The following DIAPH2 variants were observed in gnomAD, a reference collection of about 807,000 sequenced individuals.
The protein encoded by DIAPH2 is protein diaphanous homolog 2.
Under a neutral mutation model 92.7 loss-of-function variants are expected in DIAPH2, and 35 were observed. The ratio of observed to expected loss-of-function variants is 0.38; its 90% CI spans 0.29 to 0.50. The LOEUF is 0.50. DIAPH2 is among the 20% of genes least tolerant of loss of function. DIAPH2 has a pLI of 0.94. For synonymous variants in DIAPH2, 301 were observed against 280.4 expected, an observed-to-expected ratio of 1.07 and a Z score of -0.73; for missense variants, 701 against 819.5, an observed-to-expected ratio of 0.86 and a Z score of 1.77.
At chrX:96,814,337 G>A (rs1000407601) in intron 4 of DIAPH2, among the ~76,000 whole-genome samples, 5 of 111,322 alleles carry the variant, frequency 4.5e-5, no homozygotes, top group Non-Finnish European at 9.4e-5. Context: ...GCTTGTGCAC[G>A]CGTCACGTAG....
At chrX:96,708,541 C>T (rs1247750698) in intron 1 of DIAPH2, among the ~76,000 whole-genome samples, 2 of 111,566 alleles carry the variant, frequency 1.8e-5, no homozygotes, top group Non-Finnish European at 3.8e-5. Flanking sequence ...TGCCCGTCCC[C>T]CACCCCCTGC....
intron 4 of DIAPH2, among the ~76,000 whole-genome samples, chrX:96,804,535 G>A (rs758917059): frequency 1.8e-5 from 2 of 111,310 alleles, no homozygotes; most frequent in Non-Finnish European, 3.8e-5. Context: ...TTTATATAAC[G>A]CTTATTAGGA....
Position 97,104,707 on chromosome X carries a change from C to A in DIAPH2, c.2349+4912C>A, listed in dbSNP as rs1448274675. ...TATTTCCTGATTTTAATACTCTAACCCTGTGTAGTGCCCTATAGAGTTTCC... is the reference window on the plus strand; with the variant it reads ...TATTTCCTGATTTTAATACTCTAACACTGTGTAGTGCCCTATAGAGTTTCC... On this transcript the variant is annotated intron_variant, in intron 20 of 26. Coordinates refer to ENST00000324765, the MANE Select transcript of DIAPH2 (RefSeq NM_006729.5). Among the ~76,000 whole-genome samples the A allele has an allele frequency of 3.6e-5, 4 of 111,273 alleles. No homozygotes were observed. In the Admixed American group the frequency reaches 3.8e-4, roughly 11 times the overall value.
intron 4 of DIAPH2, among the ~76,000 whole-genome samples, chrX:96,855,565 G>T (rs2065034390): frequency 9.3e-6 from 1 of 108,049 alleles, no homozygotes; most frequent in South Asian, 3.9e-4. Context: ...TATAAATATA[G>T]ATATAGATAT....
chrX:96,805,397 T>C (rs1336758679), intron 4 of DIAPH2, among the ~76,000 whole-genome samples: 2 of 110,875 alleles, frequency 1.8e-5, no homozygotes, highest in African/African-American at 6.6e-5. Context: ...CAAGGCAAGG[T>C]AGTGAGCCAA....
At chrX:96,897,612 G>A (rs1368682540) in intron 5 of DIAPH2, among the ~76,000 whole-genome samples, 3 of 110,080 alleles carry the variant, frequency 2.7e-5, no homozygotes, top group Non-Finnish European at 5.7e-5. Context: ...TTAATATAAG[G>A]CATGATTATG....
At chrX:96,911,426 G>A (rs2065467965) in intron 5 of DIAPH2, among the ~76,000 whole-genome samples, 1 of 110,872 alleles carries the variant, frequency 9.0e-6, no homozygotes, top group African/African-American at 3.3e-5. Context: ...TACATTAGCA[G>A]TGTTTCAGCC....
intron 17 of DIAPH2, among the ~76,000 whole-genome samples, chrX:97,064,420 A>T (rs2147905222): frequency 9.1e-6 from 1 of 110,320 alleles, no homozygotes; most frequent in East Asian, 2.8e-4. Context: ...GAGCCCTTGG[A>T]TTCCTGACAT....
At chrX:97,553,707 TG>T (rs1250994369) in intron 26 of DIAPH2, among the ~76,000 whole-genome samples, 1 of 105,264 alleles carries the variant, frequency 9.5e-6, no homozygotes, top group African/African-American at 3.4e-5. Context: ...AGAAAATGGC[TG>T]GGAAAGCATA....
At chrX:97,361,954 G>T (rs1481612007) in intron 24 of DIAPH2, among the ~76,000 whole-genome samples, 1 of 112,037 alleles carries the variant, frequency 8.9e-6, no homozygotes, top group African/African-American at 3.2e-5. Context: ...AAGATGGCTG[G>T]CATTGGCAGC....
In DIAPH2 at chrX:97,301,125, TA is replaced by T. The variant is rs1383017531; in HGVS notation, c.2845-46990del. Among the ~76,000 whole-genome samples, 302 of 86,235 alleles carry T rather than the reference TA, an allele frequency of 3.5e-3. 2 individuals carry two copies. The highest frequency in any genetic ancestry group is 0.014 in the African/African-American group (294 of 21,495). The allele number at this position is 86,235 out of a possible 115,157, so 74.9% of individuals were successfully genotyped here. ...GACATCGCGCCACTGCACTCCAGCG[TA>T]GGCCACAGAGCGAGACTCCGTCTCA... is the stretch of plus-strand genomic sequence containing the variant. On this transcript the variant is annotated intron_variant, in intron 23 of 26. Transcript: ENST00000324765.
intron 1 of DIAPH2, among the ~76,000 whole-genome samples, chrX:96,708,584 C>G (rs2063900349): frequency 8.9e-6 from 1 of 111,846 alleles, no homozygotes; most frequent in Non-Finnish European, 1.9e-5. Context: ...GTACCTACCT[C>G]TTCCCAAACT....
chrX:97,254,727 T>A (rs868553605), intron 23 of DIAPH2, among the ~76,000 whole-genome samples: 1 of 104,891 alleles, frequency 9.5e-6, no homozygotes, highest in African/African-American at 3.9e-5. Flanking sequence ...ATTTTATTTA[T>A]TTTATTTTAT....
intron 26 of DIAPH2, among the ~76,000 whole-genome samples, chrX:97,496,927 A>G (rs1221153145): frequency 1.8e-5 from 2 of 112,272 alleles, no homozygotes; most frequent in East Asian, 5.6e-4. Flanking sequence ...ATACATTTTT[A>G]TATTTAAAAA....
chrX:97,352,731 A>G (rs1977370), intron 24 of DIAPH2, among the ~76,000 whole-genome samples: 47,804 of 104,803 alleles, frequency 0.46, 9,712 homozygotes, highest in Non-Finnish European at 0.6. Flanking sequence ...TTAGCCGGGC[A>G]TGGTGGCAGG....
At chrX:97,317,185 GT>G (rs1227790597) in intron 23 of DIAPH2, among the ~76,000 whole-genome samples, 1 of 111,212 alleles carries the variant, frequency 9.0e-6, no homozygotes, top group Non-Finnish European at 1.9e-5. Flanking sequence ...GTCATAATTT[GT>G]TTTTTTTAGC....
chrX:97,192,293 C>CAAAA (rs773665704), intron 22 of DIAPH2, among the ~76,000 whole-genome samples: 7 of 32,335 alleles, frequency 2.2e-4, no homozygotes, highest in East Asian at 1.0e-3. Context: ...GACTCCGTCT[C>CAAAA]AAAAAAAAAA....
At chrX:97,133,750 A>C (rs181985682) in intron 21 of DIAPH2, among the ~76,000 whole-genome samples, 63 of 112,303 alleles carry the variant, frequency 5.6e-4, no homozygotes, top group Admixed American at 4.3e-3. Flanking sequence ...TGACAAATGA[A>C]ATGCAGTATC....
intron 22 of DIAPH2, among the ~76,000 whole-genome samples, chrX:97,156,720 G>A (rs962108780): frequency 2.7e-5 from 3 of 111,363 alleles, no homozygotes; most frequent in Non-Finnish European, 5.7e-5. Context: ...AAAAACAAGA[G>A]TAATATTTGT....
Sources: allele counts gnomAD v4.1 joint callset (sites outside exome capture counted in the v4.1 genomes callset), GRCh38; gene constraint gnomAD v4.1.1; transcripts MANE v1.5; gene names NCBI Gene and HGNC (gene_info 2026-07-23, HGNC 2026-07-21).